NRG1: variants seen among roughly 807,000 people sequenced by gnomAD.
NRG1 encodes neuregulin 1.
In NRG1, 18 loss-of-function variants were observed where a neutral mutation model predicts 63.8. The observed-to-expected ratio is 0.28, with a 90% CI of 0.19 to 0.42. The LOEUF (loss-of-function observed/expected upper bound fraction) is 0.42, where lower values mean the gene tolerates loss of function less well. Among genes scored for constraint, NRG1 ranks in the 10% least tolerant of loss-of-function variants. The pLI, the probability that NRG1 is intolerant of heterozygous loss-of-function variation, is 1.00. For synonymous variants in NRG1, 302 were observed against 301.3 expected, an observed-to-expected ratio of 1.00 and a Z score of -0.02; for missense variants, 762 against 814.7, an observed-to-expected ratio of 0.94 and a Z score of 0.79.
At chr8:32,447,645 G>A (rs1399043793) in intron 1 of NRG1, among the ~76,000 whole-genome samples, 1 of 152,108 alleles carries the variant, frequency 6.6e-6, no homozygotes, top group African/African-American at 2.4e-5. Context: ...GAGGAGAGAG[G>A]ATCGCTTCAG....
chr8:32,137,081 T>A (rs1835629527), intron 1 of NRG1, among the ~76,000 whole-genome samples: 1 of 152,138 alleles, frequency 6.6e-6, no homozygotes, highest in Admixed American at 6.6e-5. Context: ...ACATGATTTC[T>A]ATGATGAATT....
At chr8:32,576,266 A>G (rs1332854381) in intron 1 of NRG1, among the ~76,000 whole-genome samples, 1 of 152,206 alleles carries the variant, frequency 6.6e-6, no homozygotes, top group African/African-American at 2.4e-5. Context: ...AAATGGAAGG[A>G]GGTGTCTAGC....
chr8:31,793,399 G>T (rs1383548694), intron 1 of NRG1, among the ~76,000 whole-genome samples: 1 of 152,174 alleles, frequency 6.6e-6, no homozygotes, highest in Non-Finnish European at 1.5e-5. Context: ...CTGCTGAATT[G>T]AAAAGGGGCT....
At position 31,974,530 on chromosome 8, in the gene NRG1, C is replaced by T. The variant is rs142493239; in HGVS notation, c.37+335099C>T. ...TTTGTGCATTTGTGCCCCTCTGCTC[C>T]GAAGTACCCTGACTGTCAGTCTATT... On this transcript the variant is annotated intron_variant, in intron 1 of 10. Coordinates refer to the NRG1 transcript ENST00000519301. Among the ~76,000 whole-genome samples, 379 of 152,162 alleles carry T rather than the reference C, an allele frequency of 2.5e-3. 1 individual carries two copies. The highest frequency in any genetic ancestry group is 8.0e-3 in the African/African-American group (333 of 41,516).
At chr8:32,417,981 A>C (rs1162355344) in intron 1 of NRG1, among the ~76,000 whole-genome samples, 1 of 152,158 alleles carries the variant, frequency 6.6e-6, no homozygotes, top group Non-Finnish European at 1.5e-5. Flanking sequence ...AATGAAAATA[A>C]TAGCTTCCAG....
chr8:32,483,198 A>G (rs1052827581), intron 1 of NRG1, among the ~76,000 whole-genome samples: 2 of 152,202 alleles, frequency 1.3e-5, no homozygotes, highest in African/African-American at 4.8e-5. Flanking sequence ...TCATAATCTT[A>G]ATCCTCATCT....
intron 1 of NRG1, among the ~76,000 whole-genome samples, chr8:32,055,713 C>T (rs1296545419): frequency 7.5e-6 from 1 of 133,784 alleles, no homozygotes; most frequent in Non-Finnish European, 1.6e-5. Context: ...TTCTTACTCA[C>T]CACTTTAAAA....
intron 5 of NRG1, among the ~76,000 whole-genome samples, chr8:32,652,887 A>G (rs1349131227): frequency 1.3e-5 from 2 of 152,142 alleles, no homozygotes; most frequent in East Asian, 1.9e-4. Flanking sequence ...AACTCTTCAT[A>G]GTATCCTTTT....
chr8:32,578,693 A>G (rs995519963), intron 1 of NRG1, among the ~76,000 whole-genome samples: 6 of 152,248 alleles, frequency 3.9e-5, no homozygotes, highest in African/African-American at 1.4e-4. Context: ...TTATTTCAGG[A>G]TGATTTCCCC....
At chr8:31,920,754 G>A (rs911217899) in intron 1 of NRG1, among the ~76,000 whole-genome samples, 15 of 151,992 alleles carry the variant, frequency 9.9e-5, no homozygotes, top group Admixed American at 3.9e-4. Flanking sequence ...TTGTTGTGAG[G>A]ATACTCTAAG....
intron 1 of NRG1, among the ~76,000 whole-genome samples, chr8:32,183,765 A>T (rs1263520915): frequency 6.6e-6 from 1 of 152,182 alleles, no homozygotes; most frequent in Admixed American, 6.5e-5. Context: ...CAGGTAAGAG[A>T]TAAGAAAACA....
intron 1 of NRG1, among the ~76,000 whole-genome samples, chr8:31,982,590 G>A (rs1306085534): frequency 2.0e-5 from 3 of 151,972 alleles, no homozygotes; most frequent in Non-Finnish European, 4.4e-5. Context: ...TGTTTGTTGG[G>A]AATGATGACT....
intron 1 of NRG1, among the ~76,000 whole-genome samples, chr8:31,986,387 G>A (rs1466061728): frequency 6.6e-6 from 1 of 152,038 alleles, no homozygotes; most frequent in Non-Finnish European, 1.5e-5. Context: ...GCCTCATGTA[G>A]ACTTTGAGAT....
At chr8:31,979,244 G>C (rs1057340193) in intron 1 of NRG1, among the ~76,000 whole-genome samples, 25 of 152,078 alleles carry the variant, frequency 1.6e-4, no homozygotes, top group Non-Finnish European at 2.9e-4. Flanking sequence ...GGTTAACCCA[G>C]GTTCTTGCTT....
chr8:32,048,907 G>C (rs933316741), intron 1 of NRG1, among the ~76,000 whole-genome samples: 2 of 151,848 alleles, frequency 1.3e-5, no homozygotes. Context: ...TTTTCCCATA[G>C]GATAGATTTT....
chr8:32,644,013 A>G (rs980290501), intron 5 of NRG1, among the ~76,000 whole-genome samples: 2 of 152,168 alleles, frequency 1.3e-5, no homozygotes, highest in Non-Finnish European at 2.9e-5. Flanking sequence ...AACGTACTCA[A>G]ATCTTGGCCA....
At chr8:32,637,481 C>G (rs186659012) in intron 5 of NRG1, among the ~76,000 whole-genome samples, 130 of 152,216 alleles carry the variant, frequency 8.5e-4, no homozygotes, top group African/African-American at 3.1e-3. Context: ...CTAATAATTA[C>G]TCCTTCCCCT....
chr8:32,085,125 C>G (rs1406882779), intron 1 of NRG1, among the ~76,000 whole-genome samples: 1 of 152,206 alleles, frequency 6.6e-6, no homozygotes, highest in East Asian at 1.9e-4. Context: ...AATTATTGCT[C>G]TATATCCTTT....
At chr8:31,693,610 T>C (rs190764350) in intron 1 of NRG1, among the ~76,000 whole-genome samples, 1 of 152,318 alleles carries the variant, frequency 6.6e-6, no homozygotes, top group East Asian at 1.9e-4. Context: ...ACATGTTTAT[T>C]GTAGGTGCTG....
Sources: gnomAD v4.1 joint callset for allele counts (sites outside exome capture counted in the v4.1 genomes callset) on GRCh38, gnomAD v4.1.1 for gene constraint, MANE v1.5 for transcripts, NCBI Gene and HGNC (gene_info 2026-07-23, HGNC 2026-07-21) for gene names.